The following HSPBAP1 variants were observed in gnomAD, a reference collection of about 807,000 sequenced individuals.
The protein encoded by HSPBAP1 is HSPB1 associated protein 1, also known as HSPB1-associated protein 1.
HSPBAP1 carries 27 observed loss-of-function variants against 45.2 expected under a neutral mutation model. The ratio of observed to expected loss-of-function variants is 0.60; its 90% CI spans 0.44 to 0.82. The LOEUF is 0.82. Among genes scored for constraint, HSPBAP1 ranks in the 40% least tolerant of loss-of-function variants. HSPBAP1 has a pLI of 0.00. For missense variants in HSPBAP1, 510 were observed against 590.9 expected, an observed-to-expected ratio of 0.86 and a Z score of 1.42; for synonymous variants, 204 against 202.7, an observed-to-expected ratio of 1.01 and a Z score of -0.06.
chr3:122,770,881 T>C (rs1934971219), intron 2 of HSPBAP1, among the ~76,000 whole-genome samples: 1 of 152,254 alleles, frequency 6.6e-6, no homozygotes, highest in Non-Finnish European at 1.5e-5. Flanking sequence ...ACTATAAGCC[T>C]AAACATATTA....
At chr3:122,759,984 T>A (rs756027661) in intron 3 of HSPBAP1, among the ~76,000 whole-genome samples, 1 of 152,164 alleles carries the variant, frequency 6.6e-6, no homozygotes, top group Non-Finnish European at 1.5e-5. Context: ...AGTCTTCAGA[T>A]GAGGGTGTCA....
At chr3:122,742,685 T>C (rs552975642) in intron 6 of HSPBAP1, among the ~76,000 whole-genome samples, 1 of 152,212 alleles carries the variant, frequency 6.6e-6, no homozygotes, top group African/African-American at 2.4e-5. Flanking sequence ...CAATAATGTA[T>C]GTGGTCCTTA....
intron 2 of HSPBAP1, among the ~76,000 whole-genome samples, chr3:122,774,190 AC>A: frequency 6.6e-6 from 1 of 152,240 alleles, no homozygotes; most frequent in South Asian, 2.1e-4. Flanking sequence ...TAATTATACA[AC>A]CATGTGATTA....
chr3:122,753,342 A>C, intron 5 of HSPBAP1: 1 of 711,574 alleles, frequency 1.4e-6, no homozygotes, highest in Non-Finnish European at 1.7e-6. Flanking sequence ...CACAGAGGGA[A>C]TAATGGGAGA....
At chr3:122,773,801 T>C (rs767800098) in intron 2 of HSPBAP1, among the ~76,000 whole-genome samples, 4 of 151,118 alleles carry the variant, frequency 2.6e-5, no homozygotes, top group Non-Finnish European at 5.9e-5. Flanking sequence ...CATGCCAAGA[T>C]AATTTTTTTA....
chr3:122,778,512 CT>C (rs764699673), intron 1 of HSPBAP1, among the ~76,000 whole-genome samples: 1 of 124,940 alleles, frequency 8.0e-6, no homozygotes, highest in African/African-American at 3.1e-5. Context: ...TCTAGTATTT[CT>C]TTTTTTTTTA....
At chr3:122,788,066 T>C (rs1157679079) in intron 1 of HSPBAP1, among the ~76,000 whole-genome samples, 2 of 152,154 alleles carry the variant, frequency 1.3e-5, no homozygotes, top group Non-Finnish European at 2.9e-5. Context: ...TCAATACCAA[T>C]GCTTGGTGTG....
chr3:122,774,968 G>C (rs1355786504), intron 2 of HSPBAP1, among the ~76,000 whole-genome samples: 1 of 152,142 alleles, frequency 6.6e-6, no homozygotes, highest in Admixed American at 6.5e-5. Context: ...TGTTTGCAAA[G>C]ATGTTCACTA....
chr3:122,751,825 G>A (rs1349176813), intron 6 of HSPBAP1, among the ~76,000 whole-genome samples: 4 of 152,188 alleles, frequency 2.6e-5, no homozygotes, highest in African/African-American at 9.7e-5. Context: ...ATAGCTTTCT[G>A]TAACAATATT....
intron 6 of HSPBAP1, among the ~76,000 whole-genome samples, chr3:122,746,850 T>C (rs1382931416): frequency 6.6e-6 from 1 of 152,200 alleles, no homozygotes; most frequent in East Asian, 1.9e-4. Flanking sequence ...AGATGGGGTT[T>C]CACTGTGTTG....
intron 1 of HSPBAP1, among the ~76,000 whole-genome samples, chr3:122,792,140 C>T (rs1935850495): frequency 6.6e-6 from 1 of 152,188 alleles, no homozygotes; most frequent in African/African-American, 2.4e-5. Context: ...AGAACGTTAG[C>T]AGGCTCACTA....
intron 1 of HSPBAP1, among the ~76,000 whole-genome samples, chr3:122,781,598 G>GT (rs995313883): frequency 3.3e-5 from 5 of 152,222 alleles, no homozygotes; most frequent in East Asian, 1.9e-4. Context: ...AGAACAGGTA[G>GT]TTTTTTTAAC....
chr3:122,754,840 C>T, intron 5 of HSPBAP1: 2 of 988,782 alleles, frequency 2.0e-6, no homozygotes, highest in East Asian at 1.1e-4. Flanking sequence ...CCCGTTGGCC[C>T]ACACCTGGAG....
chr3:122,763,108 C>T (rs1934657307), intron 3 of HSPBAP1, among the ~76,000 whole-genome samples: 1 of 152,190 alleles, frequency 6.6e-6, no homozygotes, highest in Non-Finnish European at 1.5e-5. Context: ...ATGAAATACC[C>T]TCTCTACCTT....
At chr3:122,780,625 C>T (rs1202541073) in intron 1 of HSPBAP1, among the ~76,000 whole-genome samples, 5 of 149,596 alleles carry the variant, frequency 3.3e-5, no homozygotes, top group East Asian at 4.0e-4. Flanking sequence ...ACATCCCTCC[C>T]GGACAGGGCG....
intron 1 of HSPBAP1, 73 bp downstream of exon 1, chr3:122,793,544 C>T (rs1935903705): frequency 7.2e-7 from 1 of 1,395,740 alleles, no homozygotes; most frequent in Non-Finnish European, 1.0e-6. Context: ...GGCAAACGGC[C>T]CCACGAGGGG....
chr3:122,777,899 A>G lies in HSPBAP1; in HGVS notation c.72T>C (p.His24=). The G allele has an allele frequency of 6.2e-7, 1 of 1,610,748 alleles. No individual in the cohort carries two copies. The highest frequency in any genetic ancestry group is 8.5e-7 in the Non-Finnish European group (1 of 1,177,282). Reference sequence around the variant, plus strand: ...CTTTCTCTGGCTTAAAAGGTTTGACATGTTCACCTAGAAAGAGAAATGAAT... The same window carrying G: ...CTTTCTCTGGCTTAAAAGGTTTGACGTGTTCACCTAGAAAGAGAAATGAAT... ...AAGAGGEEGE[H]VKPFKPEKAK... is the part of the protein sequence containing the mutation. The change falls in exon 2 of 8, where the codon CAT becomes CAC. Residue 24 remains histidine, a synonymous_variant. Transcript: ENST00000306103.
At chr3:122,750,268 C>T (rs1414294397) in intron 6 of HSPBAP1, among the ~76,000 whole-genome samples, 10 of 152,204 alleles carry the variant, frequency 6.6e-5, no homozygotes, top group African/African-American at 9.6e-5. Context: ...CCACCGTGCC[C>T]GGCCTTATGT....
chr3:122,746,288 A>AC (rs11392269), intron 6 of HSPBAP1, among the ~76,000 whole-genome samples: 145,689 of 147,242 alleles, frequency 0.99, 72,103 homozygotes, highest in Non-Finnish European at 1. Context: ...TCAAAAAAAA[A>AC]ATCAAAAGGT....
Sources: allele counts gnomAD v4.1 joint callset (sites outside exome capture counted in the v4.1 genomes callset), GRCh38; gene constraint gnomAD v4.1.1; transcripts MANE v1.5; gene names NCBI Gene and HGNC (gene_info 2026-07-23, HGNC 2026-07-21).